DENND4A: variants seen among roughly 807,000 people sequenced by gnomAD.
DENND4A encodes the protein DENN domain containing 4A, also known as C-myc promoter-binding protein.
DENND4A carries 70 observed loss-of-function variants against 199.3 expected under a neutral mutation model. The ratio of observed to expected loss-of-function variants is 0.35; its 90% confidence interval spans 0.29 to 0.43. The LOEUF (loss-of-function observed/expected upper bound fraction) is 0.43. Among genes scored for constraint, DENND4A ranks in the 20% least tolerant of loss-of-function variants. The pLI, the probability that DENND4A is intolerant of heterozygous loss-of-function variation, is 1.00. For synonymous variants in DENND4A, 686 were observed against 766.9 expected, an observed-to-expected ratio of 0.89 and a Z score of 1.74; for missense variants, 1,723 against 2,255.8, an observed-to-expected ratio of 0.76 and a Z score of 4.78.
chr15:65,749,708 A>G (rs2076508819), intron 4 of DENND4A, among the ~76,000 whole-genome samples: 1 of 152,120 alleles, frequency 6.6e-6, no homozygotes, highest in Non-Finnish European at 1.5e-5. Flanking sequence ...AAATTAGAAC[A>G]ATTTTGTATT....
At chr15:65,668,350 G>A (rs1180884863) in intron 27 of DENND4A, among the ~76,000 whole-genome samples, 2 of 151,594 alleles carry the variant, frequency 1.3e-5, no homozygotes, top group African/African-American at 2.4e-5. Context: ...CTGGGACTAC[G>A]GGCACACGCC....
intron 1 of DENND4A, among the ~76,000 whole-genome samples, chr15:65,767,847 T>C (rs1483401122): frequency 6.6e-6 from 1 of 152,092 alleles, no homozygotes; most frequent in African/African-American, 2.4e-5. Flanking sequence ...ATTAGACATA[T>C]TCAAATGGAC....
chr15:65,679,348 G>A (rs976459895), intron 23 of DENND4A, among the ~76,000 whole-genome samples: 5 of 151,796 alleles, frequency 3.3e-5, no homozygotes, highest in Non-Finnish European at 5.9e-5. Flanking sequence ...TGATCCGCCC[G>A]CCTCGGCCTC....
intron 1 of DENND4A, among the ~76,000 whole-genome samples, chr15:65,784,975 C>A (rs915708839): frequency 6.6e-6 from 1 of 151,926 alleles, no homozygotes; most frequent in African/African-American, 2.4e-5. Context: ...TGGTGAAACC[C>A]CACCTCTAAC....
rs750690215 is a variant in DENND4A at position 65,779,478 on chromosome 15, AG to A, written c.-102+12531del. 2.5e-3 allele frequency among the ~76,000 whole-genome samples: 387 copies of A among 151,832 alleles called. 2 individuals carry two copies. The Middle Eastern group carries it at 0.027, about 11-fold the overall frequency. On this transcript the variant is annotated intron_variant, in intron 1 of 32. Coordinates refer to ENST00000443035, the MANE Select transcript of DENND4A (RefSeq NM_001320835.1). The stretch of plus-strand genomic sequence containing the variant: ...AAAAAAAAAAAGAGAAGGAAAAAAA[AG>A]CTGTTTTTTAGTTTGTTTGTTTGTT...
chr15:65,718,923 G>A (rs1195788990), intron 12 of DENND4A, among the ~76,000 whole-genome samples: 2 of 151,168 alleles, frequency 1.3e-5, no homozygotes, highest in Non-Finnish European at 2.9e-5. Flanking sequence ...GGGATTACAG[G>A]TGCCCATCAC....
chr15:65,723,095 T>A lies in DENND4A; in HGVS notation c.1488-147A>T, dbSNP rs560036442. ...AATATTTGCATTAACAAGAGAAAAA[T>A]CCTACAGGGGTAAATTGGCATGTTG... On this transcript the variant is annotated intron_variant, in intron 11 of 32. Coordinates refer to ENST00000443035, the MANE Select transcript of DENND4A (RefSeq NM_001320835.1). 15 of 614,532 alleles carry A rather than the reference T, an allele frequency of 2.4e-5. No homozygotes were observed. The South Asian group carries it at 4.8e-4, about 20-fold the overall frequency. The allele number at this position is 614,532 out of a possible 1,614,324, so 38.1% of individuals were successfully genotyped here.
intron 11 of DENND4A, among the ~76,000 whole-genome samples, chr15:65,726,489 C>T (rs745633429): frequency 9.2e-5 from 14 of 151,924 alleles, no homozygotes; most frequent in African/African-American, 1.2e-4. Flanking sequence ...CTATTGATGC[C>T]GTATGTAAAA....
intron 21 of DENND4A, 53 bp downstream of exon 21, chr15:65,697,214 T>C: frequency 8.9e-7 from 1 of 1,123,962 alleles, no homozygotes; most frequent in Non-Finnish European, 1.3e-6. Flanking sequence ...ACCTGCATTT[T>C]CTATGAATAT....
At chr15:65,700,732 T>C (rs1159583308) in intron 19 of DENND4A, 57 bp from the exon 20 acceptor site, 10 of 1,441,384 alleles carry the variant, frequency 6.9e-6, no homozygotes, top group Middle Eastern at 1.8e-4. Flanking sequence ...ACACATTAAT[T>C]TGTTGCTCAA....
At chr15:65,723,476 A>T (rs1310709349) in intron 11 of DENND4A, among the ~76,000 whole-genome samples, 1 of 152,204 alleles carries the variant, frequency 6.6e-6, no homozygotes, top group Non-Finnish European at 1.5e-5. Context: ...AAAAAGAAAT[A>T]ACCTATTATA....
At chr15:65,715,308 G>T (rs1189265323) in intron 14 of DENND4A, 170 bp downstream of exon 14, 2 of 553,506 alleles carry the variant, frequency 3.6e-6, no homozygotes, top group African/African-American at 2.0e-5. Context: ...ATTGTAAGAG[G>T]TGCATTCTAT....
At chr15:65,665,774 T>A (rs2076015980) in intron 29 of DENND4A, among the ~76,000 whole-genome samples, 1 of 152,190 alleles carries the variant, frequency 6.6e-6, no homozygotes, top group African/African-American at 2.4e-5. Context: ...TCCCATCCTA[T>A]ATCATCCAAC....
chr15:65,791,273 A>C lies in DENND4A; in HGVS notation c.-102+737T>G, dbSNP rs114213738. Among the ~76,000 whole-genome samples, 563 of 152,338 alleles carry C rather than the reference A, an allele frequency of 3.7e-3. 3 individuals carry two copies. The highest frequency in any genetic ancestry group is 0.013 in the African/African-American group (544 of 41,582). ...GTAACCATACGTTTGAATTAAAAGC[A>C]CATTGGAACAACAACAACAATCTTC... On this transcript the variant is annotated intron_variant, in intron 1 of 32. Transcript: ENST00000443035.
chr15:65,759,953 A>G (rs2076810726), intron 2 of DENND4A, among the ~76,000 whole-genome samples: 1 of 152,206 alleles, frequency 6.6e-6, no homozygotes, highest in African/African-American at 2.4e-5. Context: ...TAAAGGGTAC[A>G]ATGAATAATC....
At chr15:65,665,293 A>G (rs1426837729) in intron 30 of DENND4A, 52 bp downstream of exon 30, 7 of 1,403,038 alleles carry the variant, frequency 5.0e-6, no homozygotes, top group Non-Finnish European at 7.0e-6. Context: ...ATTTAAAGCT[A>G]GTAGAGATTA....
intron 1 of DENND4A, among the ~76,000 whole-genome samples, chr15:65,763,342 G>A (rs560699325): frequency 5.3e-5 from 8 of 152,292 alleles, no homozygotes; most frequent in Admixed American, 5.2e-4. Context: ...CTTGACATGT[G>A]TGTGTCTGTG....
At chr15:65,731,525 T>C (rs2075958322) in intron 9 of DENND4A, 117 bp downstream of exon 9, 4 of 802,586 alleles carry the variant, frequency 5.0e-6, no homozygotes, top group Non-Finnish European at 2.1e-6. Context: ...TTTAGAGAAG[T>C]AGTAGTTAAA....
At chr15:65,741,583 T>C in intron 5 of DENND4A, 132 bp downstream of exon 5, 1 of 563,136 alleles carries the variant, frequency 1.8e-6, no homozygotes, top group Middle Eastern at 2.9e-4. Flanking sequence ...AAGACAAAAA[T>C]GAGAATCAGA....
Sources: gnomAD v4.1 joint callset for allele counts (sites outside exome capture counted in the v4.1 genomes callset) on GRCh38, gnomAD v4.1.1 for gene constraint, MANE v1.5 for transcripts, NCBI Gene and HGNC (gene_info 2026-07-23, HGNC 2026-07-21) for gene names.